Variants in PALS1 observed in about 807,000 individuals in gnomAD.
The protein encoded by PALS1 is protein associated with LIN7 1, MAGUK p55 family member, also known as protein PALS1.
PALS1 carries 31 observed loss-of-function variants against 78.9 expected under a neutral mutation model. The ratio of observed to expected loss-of-function variants is 0.39; its 90% confidence interval spans 0.30 to 0.53. PALS1 has a LOEUF of 0.53. Among genes scored for constraint, PALS1 ranks in the 20% least tolerant of loss-of-function variants. The pLI, the probability that PALS1 is intolerant of heterozygous loss-of-function variation, is 0.67. For missense variants in PALS1, 704 were observed against 826.5 expected (o/e 0.85, Z 1.82); for synonymous variants, 276 against 270.9 (o/e 1.02, Z -0.18).
chr14:67,246,371 G>C (rs2083988157), intron 1 of PALS1, among the ~76,000 whole-genome samples: 1 of 151,888 alleles, frequency 6.6e-6, no homozygotes, highest in African/African-American at 2.4e-5. Flanking sequence ...TTGAGACAGG[G>C]TCTCACTCTG....
At chr14:67,314,369 C>A (rs2085137280) in intron 9 of PALS1, among the ~76,000 whole-genome samples, 1 of 152,162 alleles carries the variant, frequency 6.6e-6, no homozygotes, top group African/African-American at 2.4e-5. Flanking sequence ...TACATTTATT[C>A]TTTTTGAGTA....
At chr14:67,264,955 G>A (rs1485508769) in intron 1 of PALS1, among the ~76,000 whole-genome samples, 1 of 151,962 alleles carries the variant, frequency 6.6e-6, no homozygotes, top group African/African-American at 2.4e-5. Context: ...CCATCCATGA[G>A]GGCAGATGAT....
Position 67,320,358 on chromosome 14 carries a change from A to G in PALS1, c.1498A>G (p.Met500Val), listed in dbSNP as rs779316461. The G allele has an allele frequency of 6.2e-7, 1 of 1,611,712 alleles. No homozygotes were observed. Among genetic ancestry groups the G allele is most frequent in the Non-Finnish European group, 8.5e-7 (1 of 1,179,238 alleles). ...CGQNELRQRLMNKEKDRFASA... is the reference protein window; with the variant it reads ...CGQNELRQRLVNKEKDRFASA... ...CCAGAATGAATTGCGTCAGAGGCTC[A>G]TGAACAAAGAAAAGGACCGCTTTGC... The change falls in exon 12 of 15, where the codon ATG (methionine) becomes GTG (valine). Residue 500 changes from methionine to valine, a missense_variant. Physicochemically the swap from Met to Val is conservative, Grantham distance 21 (BLOSUM62 1). Coordinates refer to ENST00000261681, the MANE Select transcript of PALS1 (RefSeq NM_022474.4).
At chr14:67,260,582 A>G (rs1465113298) in intron 1 of PALS1, among the ~76,000 whole-genome samples, 1 of 152,172 alleles carries the variant, frequency 6.6e-6, no homozygotes, top group Non-Finnish European at 1.5e-5. Context: ...GAGAGAGGGC[A>G]GGCAAAATTA....
At position 67,333,617 on chromosome 14, in the gene PALS1, C is replaced by G. The variant is rs1160399668; in HGVS notation, c.*661C>G. On this transcript the variant is annotated 3_prime_UTR_variant, in exon 15 of 15. Transcript: ENST00000261681. Reference sequence around the variant, plus strand: ...TTGCTCAGACTTTGTGGATCAGACTCTACACTCAACACACTCTAATCTACT... The same window carrying G: ...TTGCTCAGACTTTGTGGATCAGACTGTACACTCAACACACTCTAATCTACT... 1 of 152,598 alleles carries G rather than the reference C, an allele frequency of 6.6e-6. No homozygotes were observed. The highest frequency in any genetic ancestry group is 2.4e-5 in the African/African-American group (1 of 41,432). 9.5% of individuals were successfully genotyped at this position (152,598 alleles called of 1,614,324 possible). A position where few individuals can be genotyped will look rare whatever the true frequency, so the allele number is the denominator to read the frequency against.
In PALS1 at chr14:67,334,773, G is replaced by T. The variant is rs901929748; in HGVS notation, c.*1817G>T. ...GCCAGGAAATTTCACAGGTCACACC[G>T]ATTTTTAGCATTAAAAACTAAGGAA... On this transcript the variant is annotated 3_prime_UTR_variant, in exon 15 of 15. Transcript: ENST00000261681. 1 of 152,170 alleles carries T rather than the reference G, an allele frequency of 6.6e-6. No homozygotes were observed. The highest frequency in any genetic ancestry group is 2.4e-5 in the African/African-American group (1 of 41,434). The allele number at this position is 152,170 out of a possible 1,614,324, so 9.4% of individuals were successfully genotyped here.
chr14:67,279,592 TTATAATG>T (rs765223630), intron 3 of PALS1, 55 bp downstream of exon 3: 4 of 1,447,282 alleles, frequency 2.8e-6, no homozygotes, highest in Non-Finnish European at 3.7e-6. Flanking sequence ...TATCTGTGCC[TTATAATG>T]TATATGAGAA....
At chr14:67,326,409 T>C (rs1320902744) in intron 14 of PALS1, among the ~76,000 whole-genome samples, 1 of 151,848 alleles carries the variant, frequency 6.6e-6, no homozygotes, top group African/African-American at 2.4e-5. Context: ...AGTTGATCAG[T>C]ACCAAAATGT....
intron 14 of PALS1, among the ~76,000 whole-genome samples, chr14:67,332,014 C>T (rs2085458326): frequency 6.6e-6 from 1 of 152,126 alleles, no homozygotes; most frequent in African/African-American, 2.4e-5. Context: ...TACAGAAGTT[C>T]AAACAGTTGA....
chr14:67,307,366 G>T (rs1167688025), intron 8 of PALS1, among the ~76,000 whole-genome samples: 1 of 152,080 alleles, frequency 6.6e-6, no homozygotes, highest in Non-Finnish European at 1.5e-5. Flanking sequence ...TTTTCATTTA[G>T]TCTAATGCCA....
intron 3 of PALS1, among the ~76,000 whole-genome samples, chr14:67,288,771 A>T (rs927489521): frequency 2.0e-5 from 3 of 152,036 alleles, no homozygotes; most frequent in Admixed American, 6.5e-5. Context: ...TCTTAATATT[A>T]GCTTATGGTT....
chr14:67,310,279 G>A (rs758119547), intron 8 of PALS1, among the ~76,000 whole-genome samples: 4 of 151,982 alleles, frequency 2.6e-5, no homozygotes, highest in Non-Finnish European at 4.4e-5. Context: ...CTAGAATGAG[G>A]TTCTTTAGGG....
At chr14:67,287,088 T>C (rs183091133) in intron 3 of PALS1, among the ~76,000 whole-genome samples, 148 of 152,012 alleles carry the variant, frequency 9.7e-4, no homozygotes, top group African/African-American at 3.3e-3. Flanking sequence ...TGTGGTGTTA[T>C]GCACCTGTAG....
chr14:67,245,977 C>T (rs1447009743), intron 1 of PALS1, among the ~76,000 whole-genome samples: 1 of 151,792 alleles, frequency 6.6e-6, no homozygotes, highest in African/African-American at 2.4e-5. Context: ...ATTTGTTTGT[C>T]CAGTTCCATG....
rs1040486322 is a variant in PALS1, at chr14:67,326,094, G to A, written c.1851+2282G>A. ...GCCTCCTCGGCCTCCCAAAGTACTG[G>A]GATTACAGGCGTGAGCCACCGTGCC... is the stretch of plus-strand genomic sequence containing the variant. On this transcript the variant is annotated intron_variant, in intron 14 of 14. Coordinates refer to ENST00000261681, the MANE Select transcript of PALS1 (RefSeq NM_022474.4). 5.3e-5 allele frequency among the ~76,000 whole-genome samples: 8 copies of A among 150,220 alleles called. No individual in the cohort carries two copies. The South Asian group carries it at 1.0e-3, about 20-fold the overall frequency.
chr14:67,289,417 T>G (rs1483003288), intron 3 of PALS1, among the ~76,000 whole-genome samples: 1 of 152,196 alleles, frequency 6.6e-6, no homozygotes, highest in African/African-American at 2.4e-5. Flanking sequence ...GTGTATACCT[T>G]ATATGCAAAT....
chr14:67,288,181 G>A (rs1279551915), intron 3 of PALS1, among the ~76,000 whole-genome samples: 3 of 152,150 alleles, frequency 2.0e-5, no homozygotes, highest in African/African-American at 7.2e-5. Context: ...CGAGGTTCAA[G>A]CGATTCTCCT....
In PALS1 at chr14:67,321,114, C is replaced by A; in HGVS notation, c.1595C>A (p.Ser532Ter). 1 of 1,614,094 alleles carries A rather than the reference C, an allele frequency of 6.2e-7. No homozygotes were observed. The highest frequency in any genetic ancestry group is 8.5e-7 in the Non-Finnish European group (1 of 1,180,014). Residue 532 changes from serine to a stop codon, truncating the protein, a stop_gained, in exon 13 of 15, where the codon TCG (serine) becomes TAG (stop). Coordinates refer to ENST00000261681, the MANE Select transcript of PALS1 (RefSeq NM_022474.4). LOFTEE classifies it high-confidence loss of function. Reference sequence around the variant, plus strand: ...GCCGGTAGAGATTACCACTTTGTTTCGCGGCAAGCATTCGAGGCAGACATA... The same window carrying A: ...GCCGGTAGAGATTACCACTTTGTTTAGCGGCAAGCATTCGAGGCAGACATA... ...EVAGRDYHFV[S>*]RQAFEADIAA... is the part of the protein sequence containing the mutation.
At position 67,312,542 on chromosome 14, in the gene PALS1, C is replaced by A; in HGVS notation, c.1057C>A (p.His353Asn). The A allele has an allele frequency of 6.3e-7, 1 of 1,583,562 alleles. No homozygotes were observed. The highest frequency in any genetic ancestry group is 8.6e-7 in the Non-Finnish European group (1 of 1,164,060). ...TATCTTTTAGATCCATGTAAAAGCT[C>A]ATTTTGACTATGACCCCTCAGATGA... The part of the protein sequence containing the change: ...AKETVIHVKA[H>N]FDYDPSDDPY... Residue 353 changes from histidine (H) to asparagine (N), a missense_variant, in exon 9 of 15, where the codon CAT becomes AAT. Physicochemically the swap from His to Asn is moderately conservative, Grantham distance 68. Transcript: ENST00000261681.
Sources: allele counts gnomAD v4.1 joint callset (sites outside exome capture counted in the v4.1 genomes callset), GRCh38; gene constraint gnomAD v4.1.1; transcripts MANE v1.5; gene names NCBI Gene and HGNC (gene_info 2026-07-23, HGNC 2026-07-21).